POLB: variants seen among roughly 807,000 people sequenced by gnomAD.
POLB encodes the protein DNA polymerase beta, also known as 5'-dRP lyase.
A neutral mutation model predicts 52.7 loss-of-function variants in POLB; 37 were observed. The observed-to-expected ratio is 0.70, with a 90% CI of 0.54 to 0.92. The LOEUF is 0.92. Ranked by LOEUF, POLB falls within the 40% of genes least tolerant of loss-of-function variation. POLB has a pLI of 0.00. For missense variants in POLB, 313 were observed against 400.8 expected (o/e 0.78, Z 1.87); for synonymous variants, 138 against 131.3 (o/e 1.05, Z -0.35).
chr8:42,370,312 C>G, intron 13 of POLB: 1 of 392,206 alleles, frequency 2.5e-6, no homozygotes, highest in Non-Finnish European at 4.8e-6. Flanking sequence ...CTCTAGGACC[C>G]CTGAAAAACT....
At chr8:42,352,822 TGTAGTCCCA>T (rs1470791037) in intron 6 of POLB, among the ~76,000 whole-genome samples, 1 of 152,106 alleles carries the variant, frequency 6.6e-6, no homozygotes, top group Non-Finnish European at 1.5e-5. Flanking sequence ...GCCTCATGCC[TGTAGTCCCA>T]GCACTTTGGG....
intron 11 of POLB, among the ~76,000 whole-genome samples, chr8:42,368,265 G>T (rs917892262): frequency 1.3e-5 from 2 of 152,192 alleles, no homozygotes; most frequent in African/African-American, 4.8e-5. Context: ...CCACTTGAAG[G>T]TGGAAGTTGA....
At chr8:42,344,708 G>A (rs528417420) in intron 2 of POLB, among the ~76,000 whole-genome samples, 2 of 151,962 alleles carry the variant, frequency 1.3e-5, no homozygotes, top group South Asian at 2.1e-4. Context: ...CCAGCTACTC[G>A]GGAGGCTGAG....
intron 13 of POLB, among the ~76,000 whole-genome samples, chr8:42,370,764 C>T (rs1219672404): frequency 1.3e-5 from 2 of 152,146 alleles, no homozygotes; most frequent in Admixed American, 1.3e-4. Flanking sequence ...ACATAAAATA[C>T]ACTAACACTC....
intron 2 of POLB, among the ~76,000 whole-genome samples, chr8:42,343,754 G>A (rs572073881): frequency 1.2e-4 from 19 of 152,182 alleles, no homozygotes; most frequent in African/African-American, 4.1e-4. Flanking sequence ...AAATCACTTT[G>A]TTACTCAGTA....
At chr8:42,371,361 G>T (rs533296955) in intron 13 of POLB, among the ~76,000 whole-genome samples, 1 of 152,182 alleles carries the variant, frequency 6.6e-6, no homozygotes, top group Non-Finnish European at 1.5e-5. Context: ...GACCTCAGGT[G>T]ATCTACCTGC....
chr8:42,351,184 T>A (rs1822957977), intron 5 of POLB, among the ~76,000 whole-genome samples: 2 of 152,064 alleles, frequency 1.3e-5, no homozygotes, highest in African/African-American at 4.8e-5. Context: ...AGAGAGCATC[T>A]ATTATCCTTT....
At chr8:42,361,984 C>T (rs966573203) in intron 10 of POLB, among the ~76,000 whole-genome samples, 2 of 152,078 alleles carry the variant, frequency 1.3e-5, no homozygotes, top group African/African-American at 4.8e-5. Flanking sequence ...TAGAGATGGC[C>T]GGGCACGGTG....
At chr8:42,360,291 A>C (rs1453313828) in intron 9 of POLB, among the ~76,000 whole-genome samples, 2 of 152,036 alleles carry the variant, frequency 1.3e-5, no homozygotes, top group Non-Finnish European at 2.9e-5. Context: ...TGGTTAAGGC[A>C]CTGTGGCTCA....
intron 2 of POLB, among the ~76,000 whole-genome samples, chr8:42,343,991 TGTG>T (rs1460052654): frequency 1.3e-5 from 2 of 150,776 alleles, no homozygotes; most frequent in Non-Finnish European, 3.0e-5. Context: ...ATTAGCCAGA[TGTG>T]GTGGCGCATG....
intron 11 of POLB, among the ~76,000 whole-genome samples, chr8:42,368,432 T>C (rs1266127970): frequency 6.6e-6 from 1 of 152,250 alleles, no homozygotes; most frequent in Non-Finnish European, 1.5e-5. Flanking sequence ...TGGCATGTGT[T>C]AACTTGACCA....
chr8:42,338,542 C>T lies in POLB; in HGVS notation c.-83C>T. ...GCTGGGTTGCTCCTGCTCCCGTCTC[C>T]AAGTCCTGGTACCTCCTTCAAGCTG... On this transcript the variant is annotated 5_prime_UTR_variant, in exon 1 of 14. Coordinates refer to ENST00000265421, the MANE Select transcript of POLB (RefSeq NM_002690.3). The T allele has an allele frequency of 7.8e-7, 1 of 1,278,828 alleles. No homozygotes were observed. The allele number at this position is 1,278,828 out of a possible 1,614,324, so 79.2% of individuals were successfully genotyped here. A position where few individuals can be genotyped will look rare whatever the true frequency, so the allele number is the denominator to read the frequency against.
intron 6 of POLB, among the ~76,000 whole-genome samples, chr8:42,354,933 C>G (rs577258631): frequency 6.6e-6 from 1 of 152,212 alleles, no homozygotes; most frequent in South Asian, 2.1e-4. Context: ...ATGAATAAAC[C>G]TAGTTAATCA....
chr8:42,347,623 G>A (rs796246074), intron 3 of POLB, among the ~76,000 whole-genome samples: 27 of 152,018 alleles, frequency 1.8e-4, no homozygotes, highest in African/African-American at 5.8e-4. Flanking sequence ...ATTGCTTGAG[G>A]TCAGTATGTT....
intron 2 of POLB, among the ~76,000 whole-genome samples, chr8:42,343,570 A>G (rs1822394917): frequency 6.6e-6 from 1 of 150,946 alleles, no homozygotes; most frequent in African/African-American, 2.4e-5. Context: ...AATAATTCAC[A>G]TGTGGCACAT....
At position 42,371,760 on chromosome 8, in the gene POLB, C is replaced by T. The variant is rs1385443134; in HGVS notation, c.*103C>T. ...TGGTGTTTTTAAATGATTGTTTCTT[C>T]TTCATGCTTTTGCTTGCAATGTAGT... On this transcript the variant is annotated 3_prime_UTR_variant, in exon 14 of 14. Transcript: ENST00000265421. 3 of 699,722 alleles carry T rather than the reference C, an allele frequency of 4.3e-6. No homozygotes were observed. The highest frequency in any genetic ancestry group is 4.4e-5 in the Admixed American group (2 of 45,646). The allele number at this position is 699,722 out of a possible 1,614,324, so 43.3% of individuals were successfully genotyped here. A position where few individuals can be genotyped will look rare whatever the true frequency, so the allele number is the denominator to read the frequency against.
At chr8:42,348,532 T>C (rs1007332914) in intron 3 of POLB, among the ~76,000 whole-genome samples, 24 of 152,186 alleles carry the variant, frequency 1.6e-4, no homozygotes, top group African/African-American at 5.1e-4. Flanking sequence ...TTAGGCATAT[T>C]CTTGGCCCTA....
At chr8:42,345,150 G>A in intron 3 of POLB, 131 bp downstream of exon 3, 1 of 632,542 alleles carries the variant, frequency 1.6e-6, no homozygotes, top group Non-Finnish European at 2.9e-6. Context: ...CTGATTTCTT[G>A]GAATAACATT....
At chr8:42,362,508 C>A in intron 10 of POLB, 104 bp from the exon 11 acceptor site, 1 of 721,894 alleles carries the variant, frequency 1.4e-6, no homozygotes. Context: ...AGTCTCCAGC[C>A]TGTGCAATAT....
Sources: allele counts gnomAD v4.1 joint callset (sites outside exome capture counted in the v4.1 genomes callset), GRCh38; gene constraint gnomAD v4.1.1; transcripts MANE v1.5; gene names NCBI Gene and HGNC (gene_info 2026-07-23, HGNC 2026-07-21).